The following THSD7B variants were observed in gnomAD, a reference collection of about 807,000 sequenced individuals.
THSD7B encodes thrombospondin type-1 domain-containing protein 7B.
THSD7B carries 138 observed loss-of-function variants against 213.6 expected under a neutral mutation model. The ratio of observed to expected loss-of-function variants is 0.65; its 90% confidence interval spans 0.56 to 0.74. The LOEUF is 0.74. Among genes scored for constraint, THSD7B ranks in the 30% least tolerant of loss-of-function variants. The pLI is 0.00. For missense variants in THSD7B, 1,931 were observed against 1,991.5 expected (o/e 0.97, Z 0.58); for synonymous variants, 742 against 687.0 (o/e 1.08, Z -1.25).
chr2:137,039,476 C>T lies in THSD7B; in HGVS notation c.140-16944C>T, dbSNP rs367908748. ...TGAGGCCAAGGTTGTTGCTAAACAT[C>T]CTGCAATGCACAGGACAACTCTTTA... On this transcript the variant is annotated intron_variant, in intron 2 of 27. Coordinates refer to ENST00000409968, the MANE Select transcript of THSD7B (RefSeq NM_001316349.2). 9.2e-5 allele frequency among the ~76,000 whole-genome samples: 14 copies of T among 152,300 alleles called. No homozygotes were observed. In the South Asian group the frequency reaches 1.0e-3, roughly 11 times the overall value.
chr2:137,319,475 G>A (rs1684216092), intron 12 of THSD7B, among the ~76,000 whole-genome samples: 1 of 152,082 alleles, frequency 6.6e-6, no homozygotes. Flanking sequence ...AATGAATATT[G>A]TTGTGATATT....
At chr2:137,198,463 T>C (rs1277803786) in intron 7 of THSD7B, among the ~76,000 whole-genome samples, 1 of 152,114 alleles carries the variant, frequency 6.6e-6, no homozygotes, top group East Asian at 1.9e-4. Context: ...ATTTCCCCTA[T>C]AGTTCCTCCC....
chr2:137,390,856 AT>A (rs1686008137), intron 12 of THSD7B, among the ~76,000 whole-genome samples: 2 of 151,992 alleles, frequency 1.3e-5, no homozygotes, highest in South Asian at 4.1e-4. Flanking sequence ...ATGTTGAACC[AT>A]TTTTGCATCC....
chr2:137,241,627 A>G (rs966077409), intron 9 of THSD7B, among the ~76,000 whole-genome samples: 4 of 152,078 alleles, frequency 2.6e-5, no homozygotes, highest in Non-Finnish European at 5.9e-5. Context: ...AATACCTGTT[A>G]ATTGACTGGG....
At chr2:137,314,087 T>C (rs1488771372) in intron 12 of THSD7B, among the ~76,000 whole-genome samples, 2 of 152,202 alleles carry the variant, frequency 1.3e-5, no homozygotes, top group Admixed American at 1.3e-4. Flanking sequence ...TCCTGGATAA[T>C]ATCCTGCAGA....
intron 2 of THSD7B, among the ~76,000 whole-genome samples, chr2:136,983,086 A>AT (rs1461482331): frequency 6.6e-6 from 1 of 151,914 alleles, no homozygotes; most frequent in African/African-American, 2.4e-5. Flanking sequence ...ATTAAAAAAA[A>AT]AAACATTTCT....
intron 12 of THSD7B, among the ~76,000 whole-genome samples, chr2:137,297,107 T>G (rs1683483965): frequency 6.7e-6 from 1 of 148,740 alleles, no homozygotes; most frequent in South Asian, 2.3e-4. Context: ...ATGTGAATAT[T>G]GGAGGGGGGT....
At chr2:137,455,498 G>C (rs149363548) in intron 15 of THSD7B, among the ~76,000 whole-genome samples, 7 of 152,264 alleles carry the variant, frequency 4.6e-5, no homozygotes, top group Admixed American at 1.3e-4. Context: ...ATCTGAATCT[G>C]TTAGTGAAAT....
At chr2:136,992,579 T>C (rs1573754154) in intron 2 of THSD7B, among the ~76,000 whole-genome samples, 1 of 152,186 alleles carries the variant, frequency 6.6e-6, no homozygotes, top group East Asian at 1.9e-4. Context: ...AGTGGGTGCC[T>C]AGACTTGATT....
rs1207612144 is a variant in THSD7B at position 137,404,474 on chromosome 2, TACACAC to T, written c.2501-1111_2501-1106del. Among the ~76,000 whole-genome samples, 202 of 40,234 alleles carry T rather than the reference TACACAC, an allele frequency of 5.0e-3. 1 individual carries two copies. The highest frequency in any genetic ancestry group is 0.012 in the South Asian group (8 of 684). 26.4% of individuals were successfully genotyped at this position (40,234 alleles called of 152,430 possible). A position where few individuals can be genotyped will look rare whatever the true frequency, so the allele number is the denominator to read the frequency against. ...ATATATATATATATATATATATATA[TACACAC>T]ACACACACACACACACACACACACA... On this transcript the variant is annotated intron_variant, in intron 12 of 27. Transcript: ENST00000409968.
At position 136,796,928 on chromosome 2, in the gene THSD7B, G is replaced by C. The variant is rs145196620; in HGVS notation, c.-36+31241G>C. ...CCATAAATAAGGTTTGGAAGAGCTTGGGAGGGTATAACTACCAATTTTACT... is the reference window on the plus strand; with the variant it reads ...CCATAAATAAGGTTTGGAAGAGCTTCGGAGGGTATAACTACCAATTTTACT... On this transcript the variant is annotated intron_variant, in intron 1 of 27. Transcript: ENST00000409968. Among the ~76,000 whole-genome samples, 12 of 151,276 alleles carry C rather than the reference G, an allele frequency of 7.9e-5. 1 individual carries two copies. In the East Asian group the frequency reaches 1.8e-3, roughly 22 times the overall value.
At position 137,160,331 on chromosome 2, in the gene THSD7B, C is replaced by T; in HGVS notation, c.1488C>T (p.Cys496=). 6.2e-7 allele frequency: 1 copy of T among 1,613,454 alleles called. No individual in the cohort carries two copies. Among genetic ancestry groups the T allele is most frequent in the Non-Finnish European group, 8.5e-7 (1 of 1,179,620 alleles). The change falls in exon 6 of 28, where the codon TGC becomes TGT. Residue 496 remains cysteine (C), a synonymous_variant. Transcript: ENST00000409968. ...CTTCCTGGTCAGCCTGGGGCCTGTGCATCCATGAAAACTGTCATGATCCTC... is the reference window on the plus strand; with the variant it reads ...CTTCCTGGTCAGCCTGGGGCCTGTGTATCCATGAAAACTGTCATGATCCTC... ...IVSSWSAWGL[C]IHENCHDPQG... is the part of the protein sequence containing the mutation.
intron 2 of THSD7B, among the ~76,000 whole-genome samples, chr2:136,957,614 A>T (rs1438820496): frequency 1.3e-5 from 2 of 151,928 alleles, no homozygotes; most frequent in African/African-American, 4.8e-5. Flanking sequence ...TTGTATGGGG[A>T]TTAAAGCACT....
chr2:137,668,583 A>G (rs897829051), intron 27 of THSD7B, among the ~76,000 whole-genome samples: 1 of 151,942 alleles, frequency 6.6e-6, no homozygotes, highest in Non-Finnish European at 1.5e-5. Context: ...AATGCAGTTG[A>G]CTCTTGAACA....
chr2:137,386,796 C>T (rs540972315), intron 12 of THSD7B, among the ~76,000 whole-genome samples: 24 of 152,122 alleles, frequency 1.6e-4, no homozygotes, highest in Non-Finnish European at 2.2e-4. Context: ...AAAGACCAGC[C>T]ATTTAGTAAT....
intron 2 of THSD7B, among the ~76,000 whole-genome samples, chr2:136,971,645 C>CACAG (rs1165676704): frequency 6.7e-5 from 10 of 148,948 alleles, no homozygotes; most frequent in African/African-American, 9.8e-5. Context: ...CAAATACACA[C>CACAG]ACACACACAC....
intron 17 of THSD7B, among the ~76,000 whole-genome samples, chr2:137,590,553 A>G (rs1025929033): frequency 6.6e-6 from 1 of 152,102 alleles, no homozygotes; most frequent in African/African-American, 2.4e-5. Flanking sequence ...ATGAATTATT[A>G]TGGTATTTTG....
At chr2:137,032,297 G>A (rs908171172) in intron 2 of THSD7B, among the ~76,000 whole-genome samples, 2 of 152,132 alleles carry the variant, frequency 1.3e-5, no homozygotes, top group African/African-American at 4.8e-5. Context: ...GTACATAGAT[G>A]CTTCACTTTG....
At chr2:137,330,340 C>G (rs1331342522) in intron 12 of THSD7B, among the ~76,000 whole-genome samples, 3 of 152,130 alleles carry the variant, frequency 2.0e-5, no homozygotes, top group Admixed American at 1.3e-4. Flanking sequence ...GACCTGACAA[C>G]TTGCACCGTG....
Sources: gnomAD v4.1 joint callset for allele counts (sites outside exome capture counted in the v4.1 genomes callset) on GRCh38, gnomAD v4.1.1 for gene constraint, MANE v1.5 for transcripts, NCBI Gene and HGNC (gene_info 2026-07-23, HGNC 2026-07-21) for gene names.